PPP2R2B: variants seen among roughly 807,000 people sequenced by gnomAD.
PPP2R2B encodes serine/threonine-protein phosphatase 2A 55 kDa regulatory subunit B beta isoform.
PPP2R2B carries 5 observed loss-of-function variants against 46.0 expected under a neutral mutation model. That is an observed-to-expected ratio of 0.11 (90% CI 0.06 to 0.23). PPP2R2B has a LOEUF of 0.23. Ranked by LOEUF, PPP2R2B falls within the 10% of genes least tolerant of loss-of-function variation. PPP2R2B has a pLI of 1.00. For synonymous variants in PPP2R2B, 215 were observed against 206.7 expected (o/e 1.04, Z -0.34); for missense variants, 367 against 575.0 (o/e 0.64, Z 3.70).
At chr5:146,644,709 C>A (rs1775461282) in intron 6 of PPP2R2B, among the ~76,000 whole-genome samples, 3 of 152,120 alleles carry the variant, frequency 2.0e-5, no homozygotes, top group Admixed American at 2.0e-4. Context: ...GTTTCCATTT[C>A]TTTGCCTATA....
At chr5:146,848,086 C>T (rs9325025) in intron 2 of PPP2R2B, among the ~76,000 whole-genome samples, 23,361 of 152,162 alleles carry the variant, frequency 0.15, 2,122 homozygotes, top group East Asian at 0.36. Flanking sequence ...GCGTTACAGT[C>T]GCCTACCAAC....
intron 1 of PPP2R2B, among the ~76,000 whole-genome samples, chr5:146,974,616 A>G (rs906341448): frequency 5.3e-5 from 8 of 152,214 alleles, no homozygotes; most frequent in Non-Finnish European, 2.9e-5. Context: ...GGCACAAACT[A>G]TATGCTTAAT....
At chr5:146,710,640 T>C (rs1358089611) in intron 2 of PPP2R2B, among the ~76,000 whole-genome samples, 1 of 152,220 alleles carries the variant, frequency 6.6e-6, no homozygotes, top group Non-Finnish European at 1.5e-5. Context: ...GTGTTTACCA[T>C]CTGTCACCCA....
intron 2 of PPP2R2B, among the ~76,000 whole-genome samples, chr5:146,723,676 C>T (rs1751666891): frequency 6.6e-6 from 1 of 152,122 alleles, no homozygotes; most frequent in African/African-American, 2.4e-5. Context: ...TACTGATTGG[C>T]CCAATGGTCG....
chr5:146,764,858 G>GTAC (rs2151259154), intron 2 of PPP2R2B, among the ~76,000 whole-genome samples: 1 of 151,444 alleles, frequency 6.6e-6, no homozygotes, highest in African/African-American at 2.4e-5. Flanking sequence ...ACACGCACAC[G>GTAC]TACTCTGCCC....
At chr5:146,967,786 G>T (rs180954444) in intron 1 of PPP2R2B, among the ~76,000 whole-genome samples, 9 of 152,120 alleles carry the variant, frequency 5.9e-5, no homozygotes, top group Admixed American at 5.2e-4. Context: ...CCCAGCCTAC[G>T]GTTACTCTTC....
chr5:146,759,005 C>A (rs1035923633), intron 2 of PPP2R2B, among the ~76,000 whole-genome samples: 1 of 152,038 alleles, frequency 6.6e-6, no homozygotes, highest in Non-Finnish European at 1.5e-5. Context: ...GCCATCTGCT[C>A]TTTTATCTAC....
chr5:147,011,769 TGA>T (rs2151878275), intron 1 of PPP2R2B, among the ~76,000 whole-genome samples: 1 of 148,218 alleles, frequency 6.7e-6, no homozygotes, highest in South Asian at 2.2e-4. Context: ...CCTAATTTAT[TGA>T]GAGTTTTTAG....
At chr5:146,981,045 T>C (rs1753150659) in intron 1 of PPP2R2B, among the ~76,000 whole-genome samples, 1 of 152,184 alleles carries the variant, frequency 6.6e-6, no homozygotes, top group South Asian at 2.1e-4. Context: ...ACATTTAAAA[T>C]ACTGTATTTC....
intron 2 of PPP2R2B, among the ~76,000 whole-genome samples, chr5:146,832,680 T>G (rs1456520124): frequency 6.6e-6 from 1 of 152,128 alleles, no homozygotes; most frequent in Middle Eastern, 3.2e-3. Flanking sequence ...CATGAGCCAC[T>G]GTGCCCGGCC....
At chr5:147,046,695 G>C (rs1006129425) in intron 1 of PPP2R2B, among the ~76,000 whole-genome samples, 1 of 151,812 alleles carries the variant, frequency 6.6e-6, no homozygotes, top group Non-Finnish European at 1.5e-5. Context: ...GAAAACAGGA[G>C]CCGGCATTTT....
chr5:146,662,483 G>C (rs1776729803), intron 5 of PPP2R2B, among the ~76,000 whole-genome samples: 1 of 152,148 alleles, frequency 6.6e-6, no homozygotes, highest in Non-Finnish European at 1.5e-5. Flanking sequence ...ACTGATGCCT[G>C]CCTCCCCGGG....
At chr5:146,746,877 C>T (rs911692504) in intron 2 of PPP2R2B, among the ~76,000 whole-genome samples, 1 of 152,152 alleles carries the variant, frequency 6.6e-6, no homozygotes, top group Non-Finnish European at 1.5e-5. Context: ...TATGCAGATA[C>T]CAAAACTGAG....
At chr5:147,039,316 T>C (rs1345127809) in intron 1 of PPP2R2B, among the ~76,000 whole-genome samples, 3 of 152,200 alleles carry the variant, frequency 2.0e-5, no homozygotes, top group African/African-American at 7.2e-5. Flanking sequence ...CCTACTAATA[T>C]GCAAGTGCCA....
At chr5:146,958,172 C>T (rs946181369) in intron 1 of PPP2R2B, among the ~76,000 whole-genome samples, 23 of 152,226 alleles carry the variant, frequency 1.5e-4, no homozygotes, top group South Asian at 1.5e-3. Flanking sequence ...GAAGGCCCCA[C>T]CCTTTCAGAT....
At chr5:146,995,214 CTA>C (rs1476912556) in intron 1 of PPP2R2B, among the ~76,000 whole-genome samples, 1 of 152,198 alleles carries the variant, frequency 6.6e-6, no homozygotes, top group African/African-American at 2.4e-5. Context: ...TACTTTCAAG[CTA>C]TATGTTTCCA....
intron 6 of PPP2R2B, among the ~76,000 whole-genome samples, chr5:146,648,669 CAG>C (rs1775741935): frequency 6.6e-6 from 1 of 151,976 alleles, no homozygotes; most frequent in African/African-American, 2.4e-5. Flanking sequence ...ATGACAATAA[CAG>C]GGATAGTGTT....
In PPP2R2B at chr5:146,586,746, C is replaced by T. The variant is rs1175109620; in HGVS notation, c.*3201G>A. The T allele has an allele frequency of 6.6e-6, 1 of 151,944 alleles. No individual in the cohort carries two copies. The highest frequency in any genetic ancestry group is 1.5e-5 in the Non-Finnish European group (1 of 68,006). The allele number at this position is 151,944 out of a possible 1,614,324, so 9.4% of individuals were successfully genotyped here. A position where few individuals can be genotyped will look rare whatever the true frequency, so the allele number is the denominator to read the frequency against. ...TTTTTTTTCAATGGAAGAGTAAAGG[C>T]AGGAGCCAAACTTGAAGGAGTTAAG... On this transcript the variant is annotated 3_prime_UTR_variant, in exon 10 of 10. Transcript: ENST00000394411.
At chr5:146,863,066 T>C (rs1353104089) in intron 2 of PPP2R2B, among the ~76,000 whole-genome samples, 1 of 151,676 alleles carries the variant, frequency 6.6e-6, no homozygotes, top group African/African-American at 2.4e-5. Flanking sequence ...CAGAGATTTG[T>C]AGGTCCTGGT....
Sources: gnomAD v4.1 joint callset for allele counts (sites outside exome capture counted in the v4.1 genomes callset) on GRCh38, gnomAD v4.1.1 for gene constraint, MANE v1.5 for transcripts, NCBI Gene and HGNC (gene_info 2026-07-23, HGNC 2026-07-21) for gene names.